Variants in DMRT1 observed in about 807,000 individuals in gnomAD.
The protein encoded by DMRT1 is doublesex- and mab-3-related transcription factor 1.
A neutral mutation model predicts 32.3 loss-of-function variants in DMRT1; 7 were observed. That is an observed-to-expected ratio of 0.22 (90% CI 0.12 to 0.41). The LOEUF is 0.41. Among genes scored for constraint, DMRT1 ranks in the 10% least tolerant of loss-of-function variants. DMRT1 has a pLI of 1.00. For missense variants in DMRT1, 625 were observed against 500.5 expected (o/e 1.25, Z -2.37); for synonymous variants, 278 against 206.1 (o/e 1.35, Z -2.99).
At chr9:948,891 A>T (rs763056832) in intron 4 of DMRT1, among the ~76,000 whole-genome samples, 1 of 144,272 alleles carries the variant, frequency 6.9e-6, no homozygotes, top group East Asian at 2.0e-4. Context: ...CTCTGTCTCT[A>T]CTAAAAATAC....
Position 916,144 on chromosome 9 carries a change from CA to C in DMRT1, c.823-616del. On this transcript the variant is annotated intron_variant, in intron 3 of 4. Coordinates refer to ENST00000382276, the MANE Select transcript of DMRT1 (RefSeq NM_021951.3). ...AGAGGTCTGATAACTTGCGCCCGTT[CA>C]AACAAATTTGTTAGTGTTACAGCAG... Among the ~76,000 whole-genome samples, 6 of 152,310 alleles carry C rather than the reference CA, an allele frequency of 3.9e-5. No homozygotes were observed. The East Asian group carries it at 9.6e-4, about 24-fold the overall frequency.
At chr9:933,689 G>A (rs893592248) in intron 4 of DMRT1, among the ~76,000 whole-genome samples, 1 of 152,174 alleles carries the variant, frequency 6.6e-6, no homozygotes, top group African/African-American at 2.4e-5. Flanking sequence ...CAATTCCTCT[G>A]TCACACCAGG....
chr9:959,614 G>A (rs1363581175), intron 4 of DMRT1, among the ~76,000 whole-genome samples: 1 of 152,144 alleles, frequency 6.6e-6, no homozygotes, highest in African/African-American at 2.4e-5. Context: ...CTGCCACTCT[G>A]CCTCCTGGGT....
At position 871,151 on chromosome 9, in the gene DMRT1, C is replaced by G. The variant is rs374955964; in HGVS notation, c.539-22761C>G. On this transcript the variant is annotated intron_variant, in intron 2 of 4. Coordinates refer to ENST00000382276, the MANE Select transcript of DMRT1 (RefSeq NM_021951.3). ...TTCTGGGCTCAAGCCATCATCCTACCTCAGCCTGAGTAGCTGGGACTACAG... is the reference window on the plus strand; with the variant it reads ...TTCTGGGCTCAAGCCATCATCCTACGTCAGCCTGAGTAGCTGGGACTACAG... Among the ~76,000 whole-genome samples, 6 of 151,992 alleles carry G rather than the reference C, an allele frequency of 3.9e-5. No individual in the cohort carries two copies. In the East Asian group the frequency reaches 7.7e-4, roughly 20 times the overall value.
intron 4 of DMRT1, among the ~76,000 whole-genome samples, chr9:939,787 T>G (rs1341044350): frequency 6.6e-6 from 1 of 152,228 alleles, no homozygotes; most frequent in Non-Finnish European, 1.5e-5. Flanking sequence ...TTCATATAGA[T>G]ACTACATATT....
At chr9:879,114 T>A (rs1283292344) in intron 2 of DMRT1, among the ~76,000 whole-genome samples, 1 of 152,160 alleles carries the variant, frequency 6.6e-6, no homozygotes, top group Non-Finnish European at 1.5e-5. Flanking sequence ...CAGAATAAGA[T>A]GCCAGGCTCT....
At chr9:903,646 T>C (rs1817669372) in intron 3 of DMRT1, among the ~76,000 whole-genome samples, 2 of 151,836 alleles carry the variant, frequency 1.3e-5, no homozygotes, top group Non-Finnish European at 2.9e-5. Flanking sequence ...TGGTGAGAGG[T>C]TGGGTTTAGG....
At chr9:892,323 C>T (rs1156860428) in intron 2 of DMRT1, among the ~76,000 whole-genome samples, 1 of 152,122 alleles carries the variant, frequency 6.6e-6, no homozygotes, top group East Asian at 1.9e-4. Context: ...GGAGCTAGCA[C>T]CTCCAGTGGT....
chr9:907,795 T>C (rs142869386), intron 3 of DMRT1, among the ~76,000 whole-genome samples: 14 of 151,740 alleles, frequency 9.2e-5, no homozygotes, highest in African/African-American at 3.4e-4. Context: ...TCTATTGCAT[T>C]CTGTTCAATT....
chr9:931,926 T>C (rs750952153), intron 4 of DMRT1, among the ~76,000 whole-genome samples: 2 of 152,160 alleles, frequency 1.3e-5, no homozygotes, highest in Non-Finnish European at 2.9e-5. Context: ...GTGTGTAAAA[T>C]GAACGGAGTA....
intron 4 of DMRT1, among the ~76,000 whole-genome samples, chr9:930,398 A>AT (rs1298861417): frequency 2.7e-5 from 4 of 150,840 alleles, no homozygotes; most frequent in Non-Finnish European, 4.4e-5. Flanking sequence ...ACACTTGGCT[A>AT]TTTTTTTTAT....
chr9:898,049 T>A (rs1158435587), intron 3 of DMRT1, among the ~76,000 whole-genome samples: 2 of 150,296 alleles, frequency 1.3e-5, no homozygotes, highest in Non-Finnish European at 2.9e-5. Flanking sequence ...TACCTTTAGC[T>A]AATGTTGAAG....
chr9:927,112 T>C (rs1818551235), intron 4 of DMRT1, among the ~76,000 whole-genome samples: 1 of 152,098 alleles, frequency 6.6e-6, no homozygotes, highest in African/African-American at 2.4e-5. Context: ...AGGGATGGCG[T>C]GGAGTACTTC....
At chr9:953,733 C>G (rs549388187) in intron 4 of DMRT1, among the ~76,000 whole-genome samples, 1 of 152,250 alleles carries the variant, frequency 6.6e-6, no homozygotes, top group African/African-American at 2.4e-5. Flanking sequence ...TCCATGCATA[C>G]TTACCTAGTG....
intron 3 of DMRT1, among the ~76,000 whole-genome samples, chr9:915,715 T>A (rs973141794): frequency 4.6e-5 from 7 of 151,950 alleles, no homozygotes; most frequent in African/African-American, 1.7e-4. Flanking sequence ...TTTACAGTAT[T>A]TATTTATTTG....
intron 3 of DMRT1, among the ~76,000 whole-genome samples, chr9:898,280 C>T (rs541743525): frequency 7.9e-5 from 12 of 152,018 alleles, no homozygotes; most frequent in East Asian, 1.9e-4. Context: ...CCACCACGCC[C>T]GGCTAATTTT....
At position 953,269 on chromosome 9, in the gene DMRT1, T is replaced by G. The variant is rs17450309; in HGVS notation, c.968-14716T>G. 3.8e-4 allele frequency among the ~76,000 whole-genome samples: 58 copies of G among 152,248 alleles called. 1 individual carries two copies. In the South Asian group the frequency reaches 8.9e-3, roughly 23 times the overall value. ...AGGTAGTAGCTTTAATAAGCCTCCTTTATTATGGAGAAAAAAAAAAGTCTG... is the reference window on the plus strand; with the variant it reads ...AGGTAGTAGCTTTAATAAGCCTCCTGTATTATGGAGAAAAAAAAAAGTCTG... On this transcript the variant is annotated intron_variant, in intron 4 of 4. Transcript: ENST00000382276.
intron 4 of DMRT1, among the ~76,000 whole-genome samples, chr9:918,643 G>A (rs1376472771): frequency 6.6e-6 from 1 of 152,114 alleles, no homozygotes; most frequent in Non-Finnish European, 1.5e-5. Flanking sequence ...TGTGTGAGGA[G>A]GCCCCAGGCT....
At chr9:924,141 G>T (rs1350118803) in intron 4 of DMRT1, among the ~76,000 whole-genome samples, 2 of 148,348 alleles carry the variant, frequency 1.3e-5, no homozygotes, top group African/African-American at 5.0e-5. Flanking sequence ...GCATGATCTC[G>T]GCTGACTGCA....
Sources: gnomAD v4.1 joint callset for allele counts (sites outside exome capture counted in the v4.1 genomes callset) on GRCh38, gnomAD v4.1.1 for gene constraint, MANE v1.5 for transcripts, NCBI Gene and HGNC (gene_info 2026-07-23, HGNC 2026-07-21) for gene names.